EPHX2: variants seen among roughly 807,000 people sequenced by gnomAD.
EPHX2 encodes the protein bifunctional epoxide hydrolase 2.
A neutral mutation model predicts 78.7 loss-of-function variants in EPHX2; 74 were observed. The ratio of observed to expected loss-of-function variants is 0.94; its 90% CI spans 0.78 to 1.14. The LOEUF (loss-of-function observed/expected upper bound fraction) is 1.14, where lower values mean the gene tolerates loss of function less well. Among genes scored for constraint, EPHX2 ranks in the 50% most tolerant of loss-of-function variants. EPHX2 has a pLI of 0.00. For synonymous variants in EPHX2, 251 were observed against 255.2 expected (o/e 0.98, Z 0.16); for missense variants, 715 against 702.5 (o/e 1.02, Z -0.20).
chr8:27,519,123 CAAGAA>C (rs1213198827), intron 9 of EPHX2, among the ~76,000 whole-genome samples: 2 of 152,136 alleles, frequency 1.3e-5, no homozygotes, highest in Admixed American at 6.6e-5. Flanking sequence ...GGTATTTACC[CAAGAA>C]AATCGATGAC....
chr8:27,509,780 G>T (rs1026283054), intron 5 of EPHX2, among the ~76,000 whole-genome samples: 19 of 152,196 alleles, frequency 1.2e-4, no homozygotes, highest in African/African-American at 4.3e-4. Flanking sequence ...TTAAACAGGG[G>T]AGCCTGCGTC....
chr8:27,522,888 G>A (rs1240093008), intron 11 of EPHX2, among the ~76,000 whole-genome samples: 1 of 149,992 alleles, frequency 6.7e-6, no homozygotes, highest in East Asian at 2.0e-4. Flanking sequence ...TTGAACCCAG[G>A]AGGTGGAGGT....
At chr8:27,505,390 G>T (rs1021480596) in intron 4 of EPHX2, among the ~76,000 whole-genome samples, 24 of 152,164 alleles carry the variant, frequency 1.6e-4, no homozygotes, top group African/African-American at 5.1e-4. Context: ...ACAGGCATCA[G>T]CAAAAGCTGT....
At chr8:27,537,715 T>G (rs1488317700) in intron 13 of EPHX2, among the ~76,000 whole-genome samples, 3 of 152,182 alleles carry the variant, frequency 2.0e-5, no homozygotes, top group African/African-American at 4.8e-5. Flanking sequence ...TTCAGTTCCT[T>G]TTATGTTTTC....
In EPHX2 at chr8:27,536,810, G is replaced by C. The variant is rs1267621018; in HGVS notation, c.1197G>C (p.Gln399His). 1 of 1,613,020 alleles carries C rather than the reference G, an allele frequency of 6.2e-7. No individual in the cohort carries two copies. The highest frequency in any genetic ancestry group is 8.5e-7 in the Non-Finnish European group (1 of 1,179,536). ...GAGTGGCTGAGGCTGAACTGGAACA[G>C]AACCTGAGTCGGACTTTCAAAAGCC... ...EPGVAEAELEQNLSRTFKSLF... is the reference protein window; with the variant it reads ...EPGVAEAELEHNLSRTFKSLF... The change falls in exon 13 of 19, where the codon CAG becomes CAC. Residue 399 changes from glutamine to histidine, a missense_variant. Gln to His is a conservative substitution (Grantham distance 24). Coordinates refer to ENST00000521400, the MANE Select transcript of EPHX2 (RefSeq NM_001979.6).
At chr8:27,492,590 G>A (rs182828300) in intron 1 of EPHX2, among the ~76,000 whole-genome samples, 1 of 152,204 alleles carries the variant, frequency 6.6e-6, no homozygotes, top group Admixed American at 6.5e-5. Context: ...GGTTTATCGT[G>A]AACAGCGAAA....
chr8:27,518,019 C>A lies in EPHX2; in HGVS notation c.911-19C>A. 1 of 1,566,584 alleles carries A rather than the reference C, an allele frequency of 6.4e-7. No homozygotes were observed. The highest frequency in any genetic ancestry group is 8.7e-7 in the Non-Finnish European group (1 of 1,149,088). On this transcript the variant is annotated intron_variant, in intron 8 of 18. Transcript: ENST00000521400. ...TAAGTAACGTGAATTAAATATGTTTCTTTTATTTTTAATTGCAGAAATAGA... is the reference window on the plus strand; with the variant it reads ...TAAGTAACGTGAATTAAATATGTTTATTTTATTTTTAATTGCAGAAATAGA...
At position 27,522,444 on chromosome 8, in the gene EPHX2, A is replaced by T. The variant is rs780402421; in HGVS notation, c.994A>T (p.Ile332Phe). The change falls in exon 11 of 19, where the codon ATT (isoleucine) becomes TTT (phenylalanine). Residue 332 changes from isoleucine (I) to phenylalanine (F), a missense_variant. By Grantham distance (21) the Ile-to-Phe change is conservative. Transcript: ENST00000521400. ...DKLGLSQAVF[I>F]GHDWGGMLVW... is the part of the protein sequence containing the mutation. ...CTAGGGCCTCTCTCAAGCAGTGTTC[A>T]TTGGCCATGACTGGGGTGGCATGCT... is the stretch of plus-strand genomic sequence containing the variant. The T allele has an allele frequency of 2.5e-6, 4 of 1,613,942 alleles. No individual in the cohort carries two copies. The highest frequency in any genetic ancestry group is 3.4e-6 in the Non-Finnish European group (4 of 1,179,964).
intron 4 of EPHX2, 69 bp downstream of exon 4, chr8:27,505,215 G>C: frequency 6.6e-7 from 1 of 1,521,714 alleles, no homozygotes; most frequent in Non-Finnish European, 9.0e-7. Flanking sequence ...AAACTGAGGA[G>C]TGAGCAGGTG....
At chr8:27,521,812 C>T (rs6990771) in intron 10 of EPHX2, among the ~76,000 whole-genome samples, 1,969 of 152,130 alleles carry the variant, frequency 0.013, 43 homozygotes, top group African/African-American at 0.045. Context: ...CAGTGTGGAG[C>T]GAGGTGTGGA....
intron 16 of EPHX2, among the ~76,000 whole-genome samples, chr8:27,542,857 G>T (rs933842902): frequency 2.6e-5 from 4 of 152,040 alleles, no homozygotes; most frequent in African/African-American, 9.7e-5. Context: ...GCGCAGGGTG[G>T]TCTCAAACTC....
chr8:27,531,242 C>G (rs1049308993), intron 12 of EPHX2, among the ~76,000 whole-genome samples: 1 of 152,224 alleles, frequency 6.6e-6, no homozygotes, highest in African/African-American at 2.4e-5. Flanking sequence ...GGCCCCTGAC[C>G]TGAGCGTCTT....
intron 11 of EPHX2, among the ~76,000 whole-genome samples, chr8:27,522,766 C>T (rs540021510): frequency 6.6e-6 from 1 of 151,468 alleles, no homozygotes; most frequent in South Asian, 2.1e-4. Flanking sequence ...TTGAGACCAG[C>T]CCTGGCCAAC....
intron 14 of EPHX2, among the ~76,000 whole-genome samples, chr8:27,540,315 C>T (rs1225788958): frequency 6.6e-6 from 1 of 152,056 alleles, no homozygotes; most frequent in Non-Finnish European, 1.5e-5. Flanking sequence ...GTGATAATAG[C>T]CCGTGAAGTC....
At chr8:27,500,640 G>T (rs150830291) in intron 1 of EPHX2, among the ~76,000 whole-genome samples, 2 of 152,168 alleles carry the variant, frequency 1.3e-5, no homozygotes, top group African/African-American at 4.8e-5. Context: ...GGTTCTGACC[G>T]TTATATAGTA....
intron 2 of EPHX2, among the ~76,000 whole-genome samples, chr8:27,503,287 G>C (rs1813866813): frequency 6.6e-6 from 1 of 152,180 alleles, no homozygotes; most frequent in Non-Finnish European, 1.5e-5. Context: ...CTGGTCTTTT[G>C]TTATAGCAGC....
In EPHX2 at chr8:27,543,821, GA is replaced by G; in HGVS notation, c.1523del (p.Glu508GlyfsTer7). On this transcript the variant is annotated frameshift_variant, in exon 17 of 19. Coordinates refer to ENST00000521400, the MANE Select transcript of EPHX2 (RefSeq NM_001979.6). LOFTEE classifies it high-confidence loss of function. ...CGTTCCTCAGATGTCCCAGCACATG[GA>G]GGACTGGGTGAGGGAATGGCCCTGT... ...VLVPQMSQHM[E>X]DWIPHLKRGH... 6.2e-7 allele frequency: 1 copy of G among 1,614,150 alleles called. No homozygotes were observed. The highest frequency in any genetic ancestry group is 2.2e-5 in the East Asian group (1 of 44,878).
At chr8:27,519,959 C>T (rs1005051147) in intron 9 of EPHX2, among the ~76,000 whole-genome samples, 18 of 151,588 alleles carry the variant, frequency 1.2e-4, no homozygotes, top group Admixed American at 6.6e-5. Flanking sequence ...CTCACGTGCT[C>T]GTCCCTCTGT....
At chr8:27,518,995 C>T (rs367943644) in intron 9 of EPHX2, among the ~76,000 whole-genome samples, 2 of 152,200 alleles carry the variant, frequency 1.3e-5, no homozygotes, top group Non-Finnish European at 2.9e-5. Context: ...GAGACAGGGA[C>T]ATTGGGTCAC....
Sources: gnomAD v4.1 joint callset for allele counts (sites outside exome capture counted in the v4.1 genomes callset) on GRCh38, gnomAD v4.1.1 for gene constraint, MANE v1.5 for transcripts, NCBI Gene and HGNC (gene_info 2026-07-23, HGNC 2026-07-21) for gene names.